The following KCTD16 variants were observed in gnomAD, a reference collection of about 807,000 sequenced individuals.
KCTD16 encodes the protein potassium channel tetramerization domain containing 16.
KCTD16 carries 13 observed loss-of-function variants against 33.2 expected under a neutral mutation model. That is an observed-to-expected ratio of 0.39 (90% CI 0.25 to 0.62). KCTD16 has a LOEUF of 0.62. Ranked by LOEUF, KCTD16 falls within the 20% of genes least tolerant of loss-of-function variation. KCTD16 has a pLI of 0.50. For missense variants in KCTD16, 441 were observed against 525.1 expected (o/e 0.84, Z 1.57); for synonymous variants, 197 against 195.3 (o/e 1.01, Z -0.07).
intron 3 of KCTD16, among the ~76,000 whole-genome samples, chr5:144,316,619 T>G (rs1298880508): frequency 3.3e-5 from 5 of 151,406 alleles, no homozygotes; most frequent in Non-Finnish European, 7.4e-5. Context: ...TTCAAGTGAT[T>G]CTCCGGCCTC....
intron 3 of KCTD16, among the ~76,000 whole-genome samples, chr5:144,388,600 T>G (rs1218931870): frequency 1.3e-5 from 2 of 152,204 alleles, no homozygotes; most frequent in African/African-American, 4.8e-5. Flanking sequence ...ATGTAATTTA[T>G]GCAGTCTTGG....
intron 3 of KCTD16, among the ~76,000 whole-genome samples, chr5:144,263,843 G>T (rs945595014): frequency 3.3e-5 from 5 of 152,206 alleles, no homozygotes; most frequent in African/African-American, 1.2e-4. Context: ...ACCATGACTG[G>T]GTTATTGATG....
intron 3 of KCTD16, among the ~76,000 whole-genome samples, chr5:144,432,825 G>C (rs1753494811): frequency 6.6e-6 from 1 of 151,792 alleles, no homozygotes; most frequent in Non-Finnish European, 1.5e-5. Context: ...TTATGTACCA[G>C]CTACCTATAT....
intron 3 of KCTD16, among the ~76,000 whole-genome samples, chr5:144,301,053 C>T (rs12187813): frequency 0.17 from 25,326 of 151,782 alleles, 2,671 homozygotes; most frequent in Non-Finnish European, 0.23. Context: ...CCATCCAGGC[C>T]AACACGGTGA....
chr5:144,246,963 C>G (rs1754567208), intron 3 of KCTD16, among the ~76,000 whole-genome samples: 1 of 152,186 alleles, frequency 6.6e-6, no homozygotes, highest in Admixed American at 6.5e-5. Flanking sequence ...TTGAGCAAAT[C>G]ATTTAGCCTT....
intron 3 of KCTD16, among the ~76,000 whole-genome samples, chr5:144,464,820 T>C (rs1180050273): frequency 6.6e-6 from 1 of 152,060 alleles, no homozygotes; most frequent in Admixed American, 6.6e-5. Context: ...TAGGCATTGA[T>C]CACTAATGTG....
intron 3 of KCTD16, among the ~76,000 whole-genome samples, chr5:144,270,220 A>G (rs1755255435): frequency 6.6e-6 from 1 of 152,002 alleles, no homozygotes; most frequent in Non-Finnish European, 1.5e-5. Context: ...CAAGATCCAA[A>G]TACAACAGCA....
At chr5:144,473,607 C>A in intron 3 of KCTD16, 53 bp from the exon 4 acceptor site, 1 of 1,489,364 alleles carries the variant, frequency 6.7e-7, no homozygotes, top group Non-Finnish European at 9.2e-7. Context: ...TATACTGCTA[C>A]TCCAACTGAC....
chr5:144,439,348 A>C (rs1028322870), intron 3 of KCTD16: 1 of 511,062 alleles, frequency 2.0e-6, no homozygotes, highest in South Asian at 1.6e-5. Flanking sequence ...AGTTCAGCAG[A>C]GTATGAATCT....
Position 144,197,533 on chromosome 5 carries a change from A to AAT in KCTD16, c.-326-8848_-326-8847dup, listed in dbSNP as rs551573976. Among the ~76,000 whole-genome samples the AAT allele has an allele frequency of 4.3e-4, 65 of 152,220 alleles. 1 individual carries two copies. Among genetic ancestry groups the AAT allele is most frequent in the Middle Eastern group, 3.4e-3 (1 of 294 alleles). On this transcript the variant is annotated intron_variant, in intron 2 of 3. Transcript: ENST00000512467. The stretch of plus-strand genomic sequence containing the variant: ...TGTTCATTCTCACAACCCTTTGACA[A>AAT]ATATATATAGAGTGCTTACTCTGAG...
chr5:144,445,298 A>T (rs1753796539), intron 3 of KCTD16, among the ~76,000 whole-genome samples: 2 of 151,974 alleles, frequency 1.3e-5, no homozygotes, highest in Non-Finnish European at 2.9e-5. Flanking sequence ...CTAAATCTGA[A>T]TCTTCTCTAA....
chr5:144,298,233 A>C (rs529425719), intron 3 of KCTD16, among the ~76,000 whole-genome samples: 2 of 152,298 alleles, frequency 1.3e-5, no homozygotes, highest in South Asian at 2.1e-4. Flanking sequence ...CAAGAGTCCC[A>C]GGTCAGAGAA....
At chr5:144,373,667 G>A (rs1752019309) in intron 3 of KCTD16, among the ~76,000 whole-genome samples, 1 of 152,088 alleles carries the variant, frequency 6.6e-6, no homozygotes, top group African/African-American at 2.4e-5. Flanking sequence ...ATAGATCTTT[G>A]TCATTCTTTT....
chr5:144,437,563 A>G (rs1753606436), intron 3 of KCTD16, among the ~76,000 whole-genome samples: 1 of 152,204 alleles, frequency 6.6e-6, no homozygotes, highest in African/African-American at 2.4e-5. Flanking sequence ...GATATTATCT[A>G]TTAATATTAT....
intron 3 of KCTD16, among the ~76,000 whole-genome samples, chr5:144,298,173 A>G (rs1391128934): frequency 6.6e-6 from 1 of 152,210 alleles, no homozygotes; most frequent in African/African-American, 2.4e-5. Context: ...TAATAGAGCC[A>G]TAACATTCAC....
At chr5:144,192,219 A>G (rs1270497052) in intron 2 of KCTD16, among the ~76,000 whole-genome samples, 1 of 152,200 alleles carries the variant, frequency 6.6e-6, no homozygotes, top group Non-Finnish European at 1.5e-5. Flanking sequence ...GGTTGATGCA[A>G]GAGACTGTGA....
In KCTD16 at chr5:144,323,453, A is replaced by G. The variant is rs578156300; in HGVS notation, c.832+115907A>G. On this transcript the variant is annotated intron_variant, in intron 3 of 3. Coordinates refer to ENST00000512467, the MANE Select transcript of KCTD16 (RefSeq NM_020768.4). ...AACATTAGATCATGATACAAATCTAAATCCAAGTAAAGGGGAAAGAAAGAA... is the reference window on the plus strand; with the variant it reads ...AACATTAGATCATGATACAAATCTAGATCCAAGTAAAGGGGAAAGAAAGAA... Among the ~76,000 whole-genome samples, 3 of 152,186 alleles carry G rather than the reference A, an allele frequency of 2.0e-5. No homozygotes were observed. The South Asian group carries it at 6.2e-4, about 32-fold the overall frequency.
chr5:144,461,536 A>G (rs1754195413), intron 3 of KCTD16, among the ~76,000 whole-genome samples: 1 of 152,046 alleles, frequency 6.6e-6, no homozygotes, highest in Non-Finnish European at 1.5e-5. Context: ...ACCCTTGGCT[A>G]TTGTTTCCTC....
chr5:144,187,939 T>G (rs1196894780), intron 2 of KCTD16, among the ~76,000 whole-genome samples: 1 of 152,156 alleles, frequency 6.6e-6, no homozygotes, highest in African/African-American at 2.4e-5. Flanking sequence ...AGTAACCACG[T>G]CTCCAGCCCC....
Sources: allele counts gnomAD v4.1 joint callset (sites outside exome capture counted in the v4.1 genomes callset), GRCh38; gene constraint gnomAD v4.1.1; transcripts MANE v1.5; gene names NCBI Gene and HGNC (gene_info 2026-07-23, HGNC 2026-07-21).